SVIL: variants seen among roughly 807,000 people sequenced by gnomAD.
The protein encoded by SVIL is archvillin.
SVIL carries 101 observed loss-of-function variants against 240.4 expected under a neutral mutation model. That is an observed-to-expected ratio of 0.42 (90% CI 0.36 to 0.50). SVIL has a LOEUF of 0.50. Among genes scored for constraint, SVIL ranks in the 20% least tolerant of loss-of-function variants. The probability of loss-of-function intolerance (pLI) is 0.01; values close to 1 mark genes in which losing one functional copy is unlikely to be tolerated. For missense variants in SVIL, 2,512 were observed against 2,818.7 expected (o/e 0.89, Z 2.46); for synonymous variants, 999 against 1,100.0 (o/e 0.91, Z 1.82).
chr10:29,458,034 C>T lies in SVIL; in HGVS notation c.*213G>A. ...ATACTTTTATTAATTCTGATAACCT[C>T]CTGAATGGTGGAAAGAAGTTTCCAA... On this transcript the variant is annotated 3_prime_UTR_variant, in exon 38 of 38. Transcript: ENST00000355867. 1.9e-6 allele frequency: 1 copy of T among 538,344 alleles called. No individual in the cohort carries two copies. The highest frequency in any genetic ancestry group is 3.2e-6 in the Non-Finnish European group (1 of 308,104). 33.3% of individuals were successfully genotyped at this position (538,344 alleles called of 1,614,324 possible).
At chr10:29,583,653 C>A (rs1435089901) in intron 1 of SVIL, among the ~76,000 whole-genome samples, 1 of 152,150 alleles carries the variant, frequency 6.6e-6, no homozygotes, top group Non-Finnish European at 1.5e-5. Flanking sequence ...CAGAACAGGT[C>A]CCCAGCCCCT....
chr10:29,494,496 G>T (rs936919415), intron 20 of SVIL, among the ~76,000 whole-genome samples: 5 of 152,146 alleles, frequency 3.3e-5, no homozygotes, highest in Non-Finnish European at 4.4e-5. Context: ...ATACCGCATT[G>T]ACTTTTATAT....
intron 1 of SVIL, among the ~76,000 whole-genome samples, chr10:29,687,304 T>C (rs1961146193): frequency 6.6e-6 from 1 of 152,228 alleles, no homozygotes; most frequent in East Asian, 1.9e-4. Flanking sequence ...CTCTGCATAA[T>C]TGATTCTTCC....
In SVIL at chr10:29,503,867, A is replaced by C. The variant is rs150373560; in HGVS notation, c.3517-4604T>G. 4.4e-3 allele frequency among the ~76,000 whole-genome samples: 677 copies of C among 152,290 alleles called. 4 individuals carry two copies. The highest frequency in any genetic ancestry group is 0.016 in the African/African-American group (650 of 41,554). ...AACTGATCTTAAAGTTTACATGGAGAGGCAAAAGACCCAGAATAGCCAACA... is the reference window on the plus strand; with the variant it reads ...AACTGATCTTAAAGTTTACATGGAGCGGCAAAAGACCCAGAATAGCCAACA... On this transcript the variant is annotated intron_variant, in intron 17 of 37. Coordinates refer to ENST00000355867, the MANE Select transcript of SVIL (RefSeq NM_021738.3).
rs149694362 is a variant in SVIL, at chr10:29,632,949, G to A, written c.-201+1471C>T. ...TGCCCTGGATCCTCAAGACATCACC[G>A]GGTGCCGGGTGCAGGGGCTCACGCC... On this transcript the variant is annotated intron_variant, in intron 1 of 37. Transcript: ENST00000355867. 3.0e-3 allele frequency among the ~76,000 whole-genome samples: 459 copies of A among 152,212 alleles called. 5 individuals are homozygous for A. The highest frequency in any genetic ancestry group is 0.01 in the African/African-American group (435 of 41,540).
intron 3 of SVIL, chr10:29,643,946 G>A (rs978547270): frequency 1.9e-6 from 1 of 516,374 alleles, no homozygotes; most frequent in Non-Finnish European, 3.9e-6. Context: ...TATGAGTCCT[G>A]GCTCCAGAGA....
chr10:29,560,927 C>T (rs1048542982), intron 3 of SVIL, among the ~76,000 whole-genome samples: 8 of 148,668 alleles, frequency 5.4e-5, no homozygotes, highest in African/African-American at 1.5e-4. Context: ...CAACCTCCGC[C>T]TCCCGGGTTC....
chr10:29,657,603 G>A (rs1472361639), intron 3 of SVIL, among the ~76,000 whole-genome samples: 1 of 152,092 alleles, frequency 6.6e-6, no homozygotes, highest in Non-Finnish European at 1.5e-5. Flanking sequence ...CTGCTCCTAT[G>A]TAAAGGTCCT....
chr10:29,715,513 A>T (rs1783124662), intron 1 of SVIL, among the ~76,000 whole-genome samples: 1 of 152,164 alleles, frequency 6.6e-6, no homozygotes, highest in African/African-American at 2.4e-5. Flanking sequence ...TTGGTTAGTA[A>T]CCCATGGGAA....
intron 3 of SVIL, among the ~76,000 whole-genome samples, chr10:29,647,702 T>G (rs961419491): frequency 3.3e-5 from 5 of 151,940 alleles, no homozygotes; most frequent in African/African-American, 1.2e-4. Context: ...CAAAGGTGTA[T>G]TTCGAGTCTT....
chr10:29,610,858 T>C (rs758318723), intron 1 of SVIL, among the ~76,000 whole-genome samples: 1 of 152,182 alleles, frequency 6.6e-6, no homozygotes, highest in Admixed American at 6.5e-5. Flanking sequence ...CTGTAATTCC[T>C]GTGCAGTGCA....
At chr10:29,515,264 C>T (rs1188506983) in intron 16 of SVIL, among the ~76,000 whole-genome samples, 1 of 152,310 alleles carries the variant, frequency 6.6e-6, no homozygotes, top group East Asian at 1.9e-4. Context: ...GCTACAAGAG[C>T]TAGTTCATGG....
chr10:29,633,856 C>G (rs751317360), intron 1 of SVIL, among the ~76,000 whole-genome samples: 8 of 152,006 alleles, frequency 5.3e-5, no homozygotes, highest in Non-Finnish European at 8.8e-5. Flanking sequence ...ACTCTAGAAC[C>G]TACAGTGAGG....
intron 1 of SVIL, among the ~76,000 whole-genome samples, chr10:29,733,450 AAGTAGCT>A (rs1964729723): frequency 6.6e-6 from 1 of 151,938 alleles, no homozygotes; most frequent in Non-Finnish European, 1.5e-5. Flanking sequence ...TCAGCATCCC[AAGTAGCT>A]AAGACCACAG....
At chr10:29,726,521 C>T (rs1051700033) in intron 1 of SVIL, among the ~76,000 whole-genome samples, 4 of 151,716 alleles carry the variant, frequency 2.6e-5, no homozygotes, top group African/African-American at 7.3e-5. Context: ...CCGAGGCGGG[C>T]GGATCACTTG....
rs372656082 is a variant in SVIL at position 29,493,194 on chromosome 10, C to A, written c.4019+20G>T. On this transcript the variant is annotated intron_variant, in intron 21 of 37. Coordinates refer to ENST00000355867, the MANE Select transcript of SVIL (RefSeq NM_021738.3). ...GAAGCCCTTCTCAGTGGAGGAAAGA[C>A]GGAGACCCAAATAACTCACTTGGGT... is the stretch of plus-strand genomic sequence containing the variant. The A allele has an allele frequency of 1.9e-6, 3 of 1,608,502 alleles. No homozygotes were observed. The South Asian group carries it at 3.3e-5, about 18-fold the overall frequency.
chr10:29,468,371 G>A (rs1053954777), intron 32 of SVIL, among the ~76,000 whole-genome samples: 1 of 151,640 alleles, frequency 6.6e-6, no homozygotes, highest in Non-Finnish European at 1.5e-5. Flanking sequence ...TAGATATTTG[G>A]GTTATTTCCA....
In SVIL at chr10:29,576,131, C is replaced by T. The variant is rs567339550; in HGVS notation, c.-200-6819G>A. The T allele has an allele frequency of 5.3e-4, 525 of 985,118 alleles. 1 individual carries two copies. Among genetic ancestry groups the T allele is most frequent in the Non-Finnish European group, 5.6e-4 (462 of 829,784 alleles). The allele number at this position is 985,118 out of a possible 1,614,324, so 61.0% of individuals were successfully genotyped here. A position where few individuals can be genotyped will look rare whatever the true frequency, so the allele number is the denominator to read the frequency against. On this transcript the variant is annotated intron_variant, in intron 1 of 37. Transcript: ENST00000355867. ...TCCCGAATACGTTTGGCTTCATTTT[C>T]GTTATGATGAAAGTGTATGCTGTGA...
intron 17 of SVIL, among the ~76,000 whole-genome samples, chr10:29,509,853 A>T (rs1220293648): frequency 2.6e-5 from 4 of 152,178 alleles, no homozygotes; most frequent in Admixed American, 2.6e-4. Flanking sequence ...TTTGTCTCAA[A>T]AAAAAAAGGA....
Sources: gnomAD v4.1 joint callset for allele counts (sites outside exome capture counted in the v4.1 genomes callset) on GRCh38, gnomAD v4.1.1 for gene constraint, MANE v1.5 for transcripts, NCBI Gene and HGNC (gene_info 2026-07-23, HGNC 2026-07-21) for gene names.